ZBTB49: variants seen among roughly 807,000 people sequenced by gnomAD.
ZBTB49 encodes zinc finger and BTB domain containing 49.
In ZBTB49, 43 loss-of-function variants were observed where a neutral mutation model predicts 57.5. The observed-to-expected ratio is 0.75, with a 90% CI of 0.59 to 0.97. The LOEUF is 0.97. Among genes scored for constraint, ZBTB49 ranks in the 50% least tolerant of loss-of-function variants. ZBTB49 has a pLI of 0.00. For synonymous variants in ZBTB49, 369 were observed against 362.1 expected (o/e 1.02, Z -0.22); for missense variants, 938 against 947.7 (o/e 0.99, Z 0.13).
At chr4:4,306,037 T>G (rs1300023680) in intron 3 of ZBTB49, 101 bp from the exon 4 acceptor site, 9 of 878,702 alleles carry the variant, frequency 1.0e-5, no homozygotes, top group Non-Finnish European at 1.7e-5. Context: ...GGATGCAGAA[T>G]GTAATGCCAT....
chr4:4,318,011 GCAGC>G (rs1721258966), intron 7 of ZBTB49, among the ~76,000 whole-genome samples: 1 of 152,156 alleles, frequency 6.6e-6, no homozygotes, highest in Non-Finnish European at 1.5e-5. Context: ...ACAGTGGGTG[GCAGC>G]CCTCAGGCCT....
At chr4:4,317,666 A>G (rs1333290083) in intron 7 of ZBTB49, among the ~76,000 whole-genome samples, 1 of 150,636 alleles carries the variant, frequency 6.6e-6, no homozygotes, top group Non-Finnish European at 1.5e-5. Context: ...GTGTGTTTCC[A>G]TTTTCTTGGA....
intron 4 of ZBTB49, among the ~76,000 whole-genome samples, chr4:4,311,594 A>T (rs1056271978): frequency 4.6e-5 from 7 of 152,354 alleles, no homozygotes; most frequent in African/African-American, 1.7e-4. Context: ...TAACTGAGAC[A>T]ACTCCTTTAT....
intron 7 of ZBTB49, among the ~76,000 whole-genome samples, chr4:4,320,353 C>A (rs1410958618): frequency 1.3e-5 from 2 of 152,142 alleles, no homozygotes; most frequent in African/African-American, 4.8e-5. Context: ...TGTGAGGTGA[C>A]CCCCTCTCCT....
chr4:4,290,788 T>C (rs920683), intron 1 of ZBTB49, among the ~76,000 whole-genome samples: 56,932 of 152,120 alleles, frequency 0.37, 11,124 homozygotes, highest in East Asian at 0.55. Context: ...ACAGCCTAGC[T>C]CAGTTTCATT....
In ZBTB49 at chr4:4,313,404, A is replaced by G. The variant is rs184918918; in HGVS notation, c.1376+290A>G. Among the ~76,000 whole-genome samples the G allele has an allele frequency of 1.6e-4, 25 of 152,358 alleles. No individual in the cohort carries two copies. In the East Asian group the frequency reaches 3.9e-3, roughly 23 times the overall value. ...TTATACTAATATTTTCATTCATTCTAAAAATGTCTCTGAAAATATAATAGA... is the reference window on the plus strand; with the variant it reads ...TTATACTAATATTTTCATTCATTCTGAAAATGTCTCTGAAAATATAATAGA... On this transcript the variant is annotated intron_variant, in intron 5 of 7. Transcript: ENST00000337872.
intron 5 of ZBTB49, among the ~76,000 whole-genome samples, chr4:4,315,071 G>A (rs1721129741): frequency 6.6e-6 from 1 of 152,238 alleles, no homozygotes; most frequent in Non-Finnish European, 1.5e-5. Context: ...TCACAGTGGA[G>A]GGTGACAGCC....
At chr4:4,292,928 C>A (rs1305280356) in intron 1 of ZBTB49, among the ~76,000 whole-genome samples, 1 of 152,176 alleles carries the variant, frequency 6.6e-6, no homozygotes, top group African/African-American at 2.4e-5. Flanking sequence ...TCACATTGAT[C>A]TAAACTTTTT....
At chr4:4,308,059 T>C (rs1560111658) in intron 4 of ZBTB49, among the ~76,000 whole-genome samples, 1 of 152,130 alleles carries the variant, frequency 6.6e-6, no homozygotes, top group Non-Finnish European at 1.5e-5. Context: ...GGAGTGGGGC[T>C]TAGGTATTGA....
At position 4,302,582 on chromosome 4, in the gene ZBTB49, TTA is replaced by T; in HGVS notation, c.747_748del (p.Thr250HisfsTer13). On this transcript the variant is annotated frameshift_variant, in exon 3 of 8. Coordinates refer to ENST00000337872, the MANE Select transcript of ZBTB49 (RefSeq NM_145291.4). LOFTEE classifies it high-confidence loss of function. ...TTTGCTTTCAGCACCTCTACAGACCTTACCACGGTAGAGAGCCAGCCTTGTGC... is the reference window on the plus strand; with the variant it reads ...TTTGCTTTCAGCACCTCTACAGACCTCCACGGTAGAGAGCCAGCCTTGTGC... 1.9e-6 allele frequency: 3 copies of T among 1,613,990 alleles called. No homozygotes were observed. The highest frequency in any genetic ancestry group is 2.5e-6 in the Non-Finnish European group (3 of 1,179,940).
chr4:4,295,511 TAA>T (rs1186455886), intron 1 of ZBTB49, among the ~76,000 whole-genome samples: 3 of 152,168 alleles, frequency 2.0e-5, no homozygotes. Context: ...AGGTCTGTGG[TAA>T]ATAGTCAGTA....
intron 1 of ZBTB49, among the ~76,000 whole-genome samples, chr4:4,299,632 A>G (rs1166009404): frequency 1.3e-5 from 2 of 152,194 alleles, no homozygotes; most frequent in Non-Finnish European, 2.9e-5. Context: ...ATAAATTACA[A>G]TTTCAATCCC....
chr4:4,314,918 T>C (rs1721123459), intron 5 of ZBTB49, among the ~76,000 whole-genome samples: 1 of 152,246 alleles, frequency 6.6e-6, no homozygotes, highest in Non-Finnish European at 1.5e-5. Flanking sequence ...GTTAAACATG[T>C]AACCGATCAC....
At chr4:4,312,584 C>T (rs945846623) in intron 4 of ZBTB49, among the ~76,000 whole-genome samples, 1 of 152,108 alleles carries the variant, frequency 6.6e-6, no homozygotes, top group African/African-American at 2.4e-5. Context: ...AAATGTCTTC[C>T]CTTCTTTATG....
At chr4:4,297,657 A>G (rs1720274276) in intron 1 of ZBTB49, among the ~76,000 whole-genome samples, 1 of 151,966 alleles carries the variant, frequency 6.6e-6, no homozygotes, top group Non-Finnish European at 1.5e-5. Context: ...ATGGTGGCAC[A>G]TGCCTGTAGT....
intron 4 of ZBTB49, among the ~76,000 whole-genome samples, chr4:4,310,330 A>G (rs1007854914): frequency 1.3e-5 from 2 of 152,154 alleles, no homozygotes; most frequent in Non-Finnish European, 2.9e-5. Flanking sequence ...TCCCCATTTT[A>G]TGACCCAAGG....
chr4:4,302,676 T>A lies in ZBTB49; in HGVS notation c.840T>A (p.Pro280=). ...TACCTTCCAACTTCCTGGCCCAGCC[T>A]GTGAATGACTCTGCCCCACACCCTG... ...EHLPSNFLAQ[P]VNDSAPHPES... The change falls in exon 3 of 8, where the codon CCT becomes CCA. Residue 280 remains proline, a synonymous_variant. Coordinates refer to ENST00000337872, the MANE Select transcript of ZBTB49 (RefSeq NM_145291.4). The A allele has an allele frequency of 6.2e-7, 1 of 1,610,432 alleles. No individual in the cohort carries two copies. The highest frequency in any genetic ancestry group is 2.2e-5 in the East Asian group (1 of 44,820).
intron 4 of ZBTB49, among the ~76,000 whole-genome samples, chr4:4,307,150 C>T (rs941171228): frequency 8.5e-5 from 13 of 152,212 alleles, no homozygotes; most frequent in African/African-American, 3.1e-4. Flanking sequence ...TGGGATTCAC[C>T]AAGTCCTCGC....
At chr4:4,312,167 T>G (rs1310667133) in intron 4 of ZBTB49, among the ~76,000 whole-genome samples, 2 of 152,240 alleles carry the variant, frequency 1.3e-5, no homozygotes, top group African/African-American at 2.4e-5. Context: ...GTTTTCCTTT[T>G]TTTTCTTTTT....
Sources: allele counts gnomAD v4.1 joint callset (sites outside exome capture counted in the v4.1 genomes callset), GRCh38; gene constraint gnomAD v4.1.1; transcripts MANE v1.5; gene names NCBI Gene and HGNC (gene_info 2026-07-23, HGNC 2026-07-21).